The following VPS13B variants were observed in gnomAD, a reference collection of about 807,000 sequenced individuals.
VPS13B encodes intermembrane lipid transfer protein VPS13B.
Under a neutral mutation model 426.4 loss-of-function variants are expected in VPS13B, and 285 were observed. The observed-to-expected ratio is 0.67, with a 90% CI of 0.61 to 0.74. The LOEUF is 0.74. VPS13B is among the 30% of genes least tolerant of loss of function. The pLI is 0.00. For missense variants in VPS13B, 4,537 were observed against 4,782.6 expected (o/e 0.95, Z 1.51); for synonymous variants, 1,676 against 1,676.4 (o/e 1.00, Z 0.01).
chr8:99,092,750 T>A (rs991674664), intron 3 of VPS13B, among the ~76,000 whole-genome samples: 1 of 152,028 alleles, frequency 6.6e-6, no homozygotes, highest in Admixed American at 6.6e-5. Context: ...AAGAAAGAAG[T>A]GTTTACATGT....
At chr8:99,246,630 G>A (rs578017562) in intron 17 of VPS13B, among the ~76,000 whole-genome samples, 1 of 152,224 alleles carries the variant, frequency 6.6e-6, no homozygotes, top group East Asian at 1.9e-4. Flanking sequence ...CACTTTGGGA[G>A]GCCGAGGTGG....
At chr8:99,635,305 T>C (rs1829025917) in intron 33 of VPS13B, among the ~76,000 whole-genome samples, 1 of 152,022 alleles carries the variant, frequency 6.6e-6, no homozygotes, top group Non-Finnish European at 1.5e-5. Flanking sequence ...ATTGTCACTT[T>C]GATTCTGTGG....
chr8:99,436,284 C>T (rs1235597528), intron 22 of VPS13B, among the ~76,000 whole-genome samples: 1 of 152,082 alleles, frequency 6.6e-6, no homozygotes, highest in Non-Finnish European at 1.5e-5. Flanking sequence ...GATTCTTTTG[C>T]TTATTTTATA....
intron 8 of VPS13B, among the ~76,000 whole-genome samples, chr8:99,133,970 G>A (rs979747112): frequency 6.6e-6 from 1 of 152,172 alleles, no homozygotes; most frequent in South Asian, 2.1e-4. Context: ...ATTCATGTGG[G>A]GTTGCTACAG....
At chr8:99,504,502 C>T (rs533553019) in intron 27 of VPS13B, among the ~76,000 whole-genome samples, 2 of 152,324 alleles carry the variant, frequency 1.3e-5, no homozygotes, top group South Asian at 4.1e-4. Context: ...AGACAACATT[C>T]ATCTCCTTGT....
At chr8:99,570,241 A>G (rs543365962) in intron 31 of VPS13B, among the ~76,000 whole-genome samples, 1 of 152,094 alleles carries the variant, frequency 6.6e-6, no homozygotes, top group African/African-American at 2.4e-5. Flanking sequence ...ATATTTCATC[A>G]TTTCTGGGAA....
intron 15 of VPS13B, among the ~76,000 whole-genome samples, chr8:99,167,720 G>C (rs1430967047): frequency 6.6e-6 from 1 of 151,772 alleles, no homozygotes; most frequent in Non-Finnish European, 1.5e-5. Flanking sequence ...TTACTAATTG[G>C]GATTTTTAAA....
chr8:99,579,101 G>A (rs770481956), intron 33 of VPS13B, among the ~76,000 whole-genome samples: 5 of 152,124 alleles, frequency 3.3e-5, no homozygotes, highest in Non-Finnish European at 7.4e-5. Context: ...TAAATTTTAT[G>A]TTATGTATAT....
intron 59 of VPS13B, among the ~76,000 whole-genome samples, chr8:99,870,165 TAACA>T (rs962447039): frequency 2.0e-5 from 3 of 151,850 alleles, no homozygotes; most frequent in African/African-American, 4.9e-5. Context: ...GGAAGTTAAC[TAACA>T]ATCTAGACTT....
chr8:99,072,722 T>C (rs1844914135), intron 3 of VPS13B, among the ~76,000 whole-genome samples: 1 of 152,200 alleles, frequency 6.6e-6, no homozygotes, highest in Admixed American at 6.5e-5. Context: ...AATAGTTTTA[T>C]AGTTTCAGGT....
intron 30 of VPS13B, among the ~76,000 whole-genome samples, chr8:99,538,577 C>G (rs1227386309): frequency 6.6e-6 from 1 of 152,090 alleles, no homozygotes; most frequent in African/African-American, 2.4e-5. Context: ...TTCATCTTTT[C>G]CCGCATGTGA....
intron 33 of VPS13B, among the ~76,000 whole-genome samples, chr8:99,596,190 G>C (rs1220680606): frequency 2.0e-5 from 3 of 151,748 alleles, no homozygotes; most frequent in Non-Finnish European, 2.9e-5. Context: ...TTTGCTGTAA[G>C]TTCTTTTTTT....
rs2132125648 is a variant in VPS13B at position 99,013,915 on chromosome 8, A to C, written c.127A>C (p.Lys43Gln). Residue 43 changes from lysine to glutamine, a missense_variant, in exon 2 of 62, where the codon AAG becomes CAG. Physicochemically the swap from Lys to Gln is moderately conservative, Grantham distance 53. Coordinates refer to ENST00000357162, the MANE Select transcript of VPS13B (RefSeq NM_152564.5). ...CGTGGTACTCAGCAAGCTCGAGTTA[A>C]AGTTGGATGTGCTGGAACAGGTAAG... ...GDVVLSKLEL[K>Q]LDVLEQELKL... The C allele has an allele frequency of 4.3e-6, 7 of 1,614,132 alleles. No individual in the cohort carries two copies. The highest frequency in any genetic ancestry group is 5.9e-6 in the Non-Finnish European group (7 of 1,180,028).
intron 6 of VPS13B, among the ~76,000 whole-genome samples, chr8:99,113,125 G>T (rs558431211): frequency 7.7e-6 from 1 of 130,350 alleles, no homozygotes; most frequent in African/African-American, 2.9e-5. Context: ...CTTTACCTTC[G>T]AGGCTCCCTG....
At chr8:99,378,899 T>A (rs534353299) in intron 19 of VPS13B, among the ~76,000 whole-genome samples, 2 of 152,272 alleles carry the variant, frequency 1.3e-5, no homozygotes, top group South Asian at 4.1e-4. Context: ...GACAACTTTT[T>A]TTCTGCTTTT....
intron 39 of VPS13B, 119 bp from the exon 40 acceptor site, chr8:99,766,655 C>A: frequency 1.2e-6 from 1 of 834,780 alleles, no homozygotes. Context: ...CTTTTATAAC[C>A]TTATTCTCCT....
At chr8:99,289,301 TAGG>T (rs1431398720) in intron 19 of VPS13B, among the ~76,000 whole-genome samples, 3 of 152,124 alleles carry the variant, frequency 2.0e-5, no homozygotes, top group Non-Finnish European at 4.4e-5. Flanking sequence ...TAGGTTTAGT[TAGG>T]AGAATGCTAT....
At chr8:99,314,158 G>A (rs1175261885) in intron 19 of VPS13B, among the ~76,000 whole-genome samples, 1 of 152,066 alleles carries the variant, frequency 6.6e-6, no homozygotes, top group African/African-American at 2.4e-5. Context: ...CATGCTCGTT[G>A]GGCTGCACCC....
chr8:99,468,006 T>G (rs925660482), intron 24 of VPS13B, among the ~76,000 whole-genome samples: 6 of 152,208 alleles, frequency 3.9e-5, no homozygotes, highest in Non-Finnish European at 7.3e-5. Flanking sequence ...TCATGCAATT[T>G]TTTTATTATT....
Sources: gnomAD v4.1 joint callset for allele counts (sites outside exome capture counted in the v4.1 genomes callset) on GRCh38, gnomAD v4.1.1 for gene constraint, MANE v1.5 for transcripts, NCBI Gene and HGNC (gene_info 2026-07-23, HGNC 2026-07-21) for gene names.